The following TTC6 variants were observed in gnomAD, a reference collection of about 807,000 sequenced individuals.
The protein encoded by TTC6 is tetratricopeptide repeat protein 6.
In TTC6, 172 loss-of-function variants were observed where a neutral mutation model predicts 210.4. The ratio of observed to expected loss-of-function variants is 0.82; its 90% CI spans 0.72 to 0.93. TTC6 has a LOEUF of 0.93. Among genes scored for constraint, TTC6 ranks in the 40% least tolerant of loss-of-function variants. The pLI, the probability that TTC6 is intolerant of heterozygous loss-of-function variation, is 0.00. For synonymous variants in TTC6, 804 were observed against 819.6 expected (o/e 0.98, Z 0.32); for missense variants, 2,414 against 2,318.1 (o/e 1.04, Z -0.85).
intron 14 of TTC6, among the ~76,000 whole-genome samples, chr14:37,777,001 G>A (rs946793725): frequency 6.6e-6 from 1 of 152,132 alleles, no homozygotes; most frequent in Non-Finnish European, 1.5e-5. Flanking sequence ...TAGGTGACCT[G>A]TCCTTTCTCA....
chr14:37,669,523 G>T (rs928544021), intron 1 of TTC6, among the ~76,000 whole-genome samples: 9 of 152,060 alleles, frequency 5.9e-5, no homozygotes, highest in Non-Finnish European at 1.2e-4. Context: ...CCCCTTCCTT[G>T]CCCGAACTCC....
chr14:37,796,906 G>C (rs371547465), exon 20 of TTC6: 109 of 1,606,114 alleles, frequency 6.8e-5, no homozygotes, highest in Non-Finnish European at 9.1e-5. Context: ...GACCATGTGT[G>C]CTCTATTAGC....
exon 1 of TTC6, chr14:37,622,537 C>T (rs1173081616): frequency 2.0e-6 from 3 of 1,534,996 alleles, no homozygotes; most frequent in Admixed American, 3.9e-5. Context: ...CCCGAGCCAC[C>T]CGTGAAGCGC....
chr14:37,725,093 G>T, intron 7 of TTC6, 91 bp downstream of exon 9: 1 of 650,034 alleles, frequency 1.5e-6, no homozygotes, highest in Non-Finnish European at 2.4e-6. Context: ...AATTTTACTG[G>T]CCATTTATGT....
Position 37,790,815 on chromosome 14 carries a change from G to T in TTC6, c.3535G>T (p.Glu1179Ter). The T allele has an allele frequency of 6.5e-7, 1 of 1,533,944 alleles. No homozygotes were observed. The highest frequency in any genetic ancestry group is 1.2e-5 in the South Asian group (1 of 83,420). ...TTGGCTGCTGGCAATTTGTGACTTT[G>T]AAACTGTCATTTCTCTAGAAAGGTA... Residue 1179 changes from glutamate (E) to a stop codon, truncating the protein, a stop_gained, in exon 16 of 31, where the codon GAA (glutamate) becomes TAA (stop). Transcript: ENST00000553443. LOFTEE classifies it high-confidence loss of function.
chr14:37,680,639 T>G (rs188483087), intron 2 of TTC6, among the ~76,000 whole-genome samples: 101 of 152,302 alleles, frequency 6.6e-4, no homozygotes, highest in African/African-American at 2.3e-3. Context: ...GGGGAGAATT[T>G]GGTTGAGAAA....
intron 1 of TTC6, among the ~76,000 whole-genome samples, chr14:37,652,624 C>T (rs558695570): frequency 1.3e-5 from 2 of 152,296 alleles, no homozygotes; most frequent in African/African-American, 2.4e-5. Context: ...TTACACCTCT[C>T]ATTTGTACTC....
intron 20 of TTC6, among the ~76,000 whole-genome samples, chr14:37,800,833 G>A (rs1177660316): frequency 6.6e-6 from 1 of 152,160 alleles, no homozygotes; most frequent in Non-Finnish European, 1.5e-5. Context: ...TTTGGACTTA[G>A]ACAGAGAGAG....
At chr14:37,756,512 A>G (rs1028675981) in intron 14 of TTC6, among the ~76,000 whole-genome samples, 10 of 152,118 alleles carry the variant, frequency 6.6e-5, no homozygotes, top group African/African-American at 2.2e-4. Flanking sequence ...ATTATTTTGA[A>G]TACATTCCTT....
intron 14 of TTC6, among the ~76,000 whole-genome samples, chr14:37,760,782 C>T (rs1488312849): frequency 4.6e-5 from 7 of 152,206 alleles, no homozygotes; most frequent in Admixed American, 1.3e-4. Context: ...GAATTCCCCC[C>T]AGTCCAAACC....
intron 3 of TTC6, among the ~76,000 whole-genome samples, chr14:37,687,863 A>T (rs942689432): frequency 3.3e-5 from 5 of 152,176 alleles, no homozygotes; most frequent in Non-Finnish European, 7.3e-5. Context: ...GACTCGGCAC[A>T]TTCCCAGCTG....
intron 16 of TTC6, among the ~76,000 whole-genome samples, chr14:37,791,967 C>A (rs1210599257): frequency 6.6e-6 from 1 of 152,026 alleles, no homozygotes; most frequent in African/African-American, 2.4e-5. Flanking sequence ...GCTTGTGACT[C>A]AAGATAACGG....
chr14:37,755,663 A>G (rs1445622912), intron 14 of TTC6, among the ~76,000 whole-genome samples: 3 of 151,934 alleles, frequency 2.0e-5, no homozygotes, highest in African/African-American at 4.8e-5. Context: ...TTTTATGTAT[A>G]TATGTGTGGT....
chr14:37,674,959 A>C (rs2095765842), intron 1 of TTC6, among the ~76,000 whole-genome samples: 1 of 152,108 alleles, frequency 6.6e-6, no homozygotes, highest in Non-Finnish European at 1.5e-5. Flanking sequence ...TATCATGTAT[A>C]AATTTTACTA....
At chr14:37,732,769 C>T (rs1245246369) in intron 7 of TTC6, among the ~76,000 whole-genome samples, 4 of 136,132 alleles carry the variant, frequency 2.9e-5, no homozygotes, top group Non-Finnish European at 5.1e-5. Flanking sequence ...AGGCGCCCGC[C>T]ACCACGCCCA....
At chr14:37,759,502 G>A (rs1259537970) in intron 14 of TTC6, among the ~76,000 whole-genome samples, 1 of 152,088 alleles carries the variant, frequency 6.6e-6, no homozygotes, top group Non-Finnish European at 1.5e-5. Flanking sequence ...TTCTCGATGA[G>A]TATTTTAGTG....
At chr14:37,835,842 C>T (rs1952782) in intron 29 of TTC6, among the ~76,000 whole-genome samples, 133,816 of 152,146 alleles carry the variant, frequency 0.88, 59,525 homozygotes, top group Non-Finnish European at 0.95. Context: ...TCTCTCTATA[C>T]GGATTCAATA....
chr14:37,817,521 A>C (rs2096144913), intron 25 of TTC6, 57 bp from the exon 28 acceptor site: 1 of 1,519,696 alleles, frequency 6.6e-7, no homozygotes, highest in Non-Finnish European at 9.1e-7. Flanking sequence ...AAGGAAGTTT[A>C]AGATAGCACA....
At chr14:37,616,621 C>T (rs535939088) in intron 2 of TTC6, among the ~76,000 whole-genome samples, 1 of 151,758 alleles carries the variant, frequency 6.6e-6, no homozygotes, top group Non-Finnish European at 1.5e-5. Flanking sequence ...GGCGTGAACC[C>T]GGGAGACGGA....
Sources: gnomAD v4.1 joint callset for allele counts (sites outside exome capture counted in the v4.1 genomes callset) on GRCh38, gnomAD v4.1.1 for gene constraint, MANE v1.5 for transcripts, NCBI Gene and HGNC (gene_info 2026-07-23, HGNC 2026-07-21) for gene names.